Variants in ELMO1 observed in about 807,000 individuals in gnomAD.
ELMO1 encodes engulfment and cell motility 1.
ELMO1 carries 26 observed loss-of-function variants against 98.9 expected under a neutral mutation model. That is an observed-to-expected ratio of 0.26 (90% CI 0.19 to 0.36). The LOEUF is 0.36. Ranked by LOEUF, ELMO1 falls within the 10% of genes least tolerant of loss-of-function variation. The pLI is 1.00. For synonymous variants in ELMO1, 346 were observed against 346.0 expected, an observed-to-expected ratio of 1.00 and a Z score of 0.00; for missense variants, 627 against 935.2, an observed-to-expected ratio of 0.67 and a Z score of 4.30.
chr7:36,972,883 C>T (rs191381442), intron 16 of ELMO1, among the ~76,000 whole-genome samples: 154 of 152,286 alleles, frequency 1.0e-3, no homozygotes, highest in African/African-American at 3.5e-3. Context: ...CAGTTTCAAG[C>T]GATTCTCCTG....
At chr7:37,146,122 G>A (rs1050177078) in intron 13 of ELMO1, among the ~76,000 whole-genome samples, 4 of 152,106 alleles carry the variant, frequency 2.6e-5, no homozygotes, top group Admixed American at 6.6e-5. Flanking sequence ...GGAGCCAGGC[G>A]GTTGGATTTT....
At chr7:36,862,140 A>C (rs1162798721) in intron 20 of ELMO1, 2 of 205,846 alleles carry the variant, frequency 9.7e-6, no homozygotes, top group Non-Finnish European at 2.0e-5. Flanking sequence ...AACAAACAAA[A>C]ACCCAGTAAA....
At chr7:37,093,438 C>T (rs1017293671) in intron 15 of ELMO1, among the ~76,000 whole-genome samples, 6 of 152,140 alleles carry the variant, frequency 3.9e-5, no homozygotes. Flanking sequence ...GCTTATAGAA[C>T]TAAAGTGACC....
At chr7:37,085,782 C>T (rs1584620287) in intron 15 of ELMO1, among the ~76,000 whole-genome samples, 1 of 152,156 alleles carries the variant, frequency 6.6e-6, no homozygotes, top group Non-Finnish European at 1.5e-5. Flanking sequence ...ACTGATGAGA[C>T]GTGATGATGT....
chr7:37,285,802 G>A (rs1797364896), intron 4 of ELMO1, among the ~76,000 whole-genome samples: 1 of 152,142 alleles, frequency 6.6e-6, no homozygotes, highest in Admixed American at 6.5e-5. Context: ...GGACCTGTAC[G>A]AGTTGAGCGA....
intron 14 of ELMO1, among the ~76,000 whole-genome samples, chr7:37,097,528 G>A (rs1445866348): frequency 6.6e-6 from 1 of 151,838 alleles, no homozygotes; most frequent in Non-Finnish European, 1.5e-5. Flanking sequence ...AGGTTGCAGT[G>A]AGCCAAGATA....
Position 36,954,412 on chromosome 7 carries a change from C to T in ELMO1, c.1437+58887G>A, listed in dbSNP as rs114774899. 8.2e-3 allele frequency among the ~76,000 whole-genome samples: 1,254 copies of T among 152,254 alleles called. 25 individuals carry two copies. The highest frequency in any genetic ancestry group is 0.029 in the African/African-American group (1,189 of 41,530). On this transcript the variant is annotated intron_variant, in intron 16 of 21. Transcript: ENST00000310758. ...AGGAGGGGAGGTTTTGGAAGGCTGT[C>T]AGCCTGATTCCCACCCAGGGGCACT...
At chr7:37,138,603 G>T (rs1402829041) in intron 13 of ELMO1, among the ~76,000 whole-genome samples, 2 of 152,214 alleles carry the variant, frequency 1.3e-5, no homozygotes, top group Admixed American at 6.5e-5. Flanking sequence ...ACCAAAAAAA[G>T]TCCAGGACCA....
At chr7:37,176,782 C>G (rs1194734622) in intron 13 of ELMO1, among the ~76,000 whole-genome samples, 2 of 152,164 alleles carry the variant, frequency 1.3e-5, no homozygotes, top group East Asian at 3.8e-4. Context: ...TTTTATTTCT[C>G]TATTACTTTT....
intron 5 of ELMO1, 103 bp from the exon 6 acceptor site, chr7:37,259,453 C>A: frequency 7.7e-7 from 1 of 1,294,980 alleles, no homozygotes; most frequent in South Asian, 1.4e-5. Flanking sequence ...GCCAAAAGCG[C>A]AAGACTATCT....
chr7:37,063,518 T>A (rs1584586016), intron 15 of ELMO1, among the ~76,000 whole-genome samples: 1 of 152,210 alleles, frequency 6.6e-6, no homozygotes, highest in East Asian at 1.9e-4. Context: ...GTTTTGGAAC[T>A]AAACTATAAA....
chr7:37,173,217 A>G (rs1430708538), intron 13 of ELMO1, among the ~76,000 whole-genome samples: 1 of 152,228 alleles, frequency 6.6e-6, no homozygotes, highest in Non-Finnish European at 1.5e-5. Flanking sequence ...TTGTATTTAG[A>G]GACTATGTGA....
intron 16 of ELMO1, among the ~76,000 whole-genome samples, chr7:36,930,201 C>T (rs978625515): frequency 6.6e-6 from 1 of 152,190 alleles, no homozygotes; most frequent in African/African-American, 2.4e-5. Flanking sequence ...ATACTTATGC[C>T]CTCTGGATGT....
chr7:37,034,138 T>C (rs1482290794), intron 15 of ELMO1, among the ~76,000 whole-genome samples: 2 of 152,198 alleles, frequency 1.3e-5, no homozygotes, highest in African/African-American at 2.4e-5. Flanking sequence ...AATTCCTATG[T>C]TGAAGTCCTA....
At chr7:37,053,960 C>T (rs1479277099) in intron 15 of ELMO1, among the ~76,000 whole-genome samples, 9 of 152,130 alleles carry the variant, frequency 5.9e-5, no homozygotes, top group African/African-American at 2.2e-4. Flanking sequence ...AAATACTCCT[C>T]TTGGTTTGGG....
At chr7:36,874,380 C>G (rs1468605180) in intron 19 of ELMO1, among the ~76,000 whole-genome samples, 1 of 152,196 alleles carries the variant, frequency 6.6e-6, no homozygotes, top group Non-Finnish European at 1.5e-5. Context: ...CTTTCTGTAT[C>G]TCAGTTTCCT....
chr7:37,434,619 G>A (rs1805069836), intron 1 of ELMO1, among the ~76,000 whole-genome samples: 1 of 152,154 alleles, frequency 6.6e-6, no homozygotes, highest in South Asian at 2.1e-4. Context: ...TCACTCCCTT[G>A]GGTAAAACTC....
intron 1 of ELMO1, among the ~76,000 whole-genome samples, chr7:37,357,215 T>G (rs1386114513): frequency 1.3e-5 from 2 of 152,206 alleles, no homozygotes; most frequent in Non-Finnish European, 2.9e-5. Flanking sequence ...GGGCTTTTGG[T>G]CTTCGTTTCT....
intron 20 of ELMO1, among the ~76,000 whole-genome samples, chr7:36,865,510 C>T (rs1001860442): frequency 1.3e-5 from 2 of 152,208 alleles, no homozygotes; most frequent in Non-Finnish European, 2.9e-5. Context: ...CCATATTCTT[C>T]TCCCCATCCC....
Sources: gnomAD v4.1 joint callset for allele counts (sites outside exome capture counted in the v4.1 genomes callset) on GRCh38, gnomAD v4.1.1 for gene constraint, MANE v1.5 for transcripts, NCBI Gene and HGNC (gene_info 2026-07-23, HGNC 2026-07-21) for gene names.